Variants in NFIA observed in about 807,000 individuals in gnomAD.
The protein encoded by NFIA is nuclear factor I A.
Under a neutral mutation model 62.8 loss-of-function variants are expected in NFIA, and 8 were observed. The ratio of observed to expected loss-of-function variants is 0.13; its 90% confidence interval spans 0.07 to 0.23. The LOEUF (loss-of-function observed/expected upper bound fraction) is 0.23. Among genes scored for constraint, NFIA ranks in the 10% least tolerant of loss-of-function variants. The pLI is 1.00. For synonymous variants in NFIA, 235 were observed against 238.1 expected (o/e 0.99, Z 0.12); for missense variants, 410 against 642.1 (o/e 0.64, Z 3.91).
chr1:61,200,010 GTATATATATATATATATA>G (rs60422302), intron 2 of NFIA, among the ~76,000 whole-genome samples: 650 of 52,742 alleles, frequency 0.012, 8 homozygotes, highest in South Asian at 0.024. Flanking sequence ...ATATATATAT[GTATATATATATATATATA>G]TATATATATA....
chr1:61,265,623 T>C (rs1657108631), intron 2 of NFIA, among the ~76,000 whole-genome samples: 3 of 152,214 alleles, frequency 2.0e-5, no homozygotes, highest in Non-Finnish European at 2.9e-5. Context: ...AATGTGGAAA[T>C]TGAAAACACA....
chr1:61,105,244 T>G (rs1646575724), intron 2 of NFIA, among the ~76,000 whole-genome samples: 1 of 151,980 alleles, frequency 6.6e-6, no homozygotes, highest in African/African-American at 2.4e-5. Flanking sequence ...AGTTTAGATG[T>G]AGATTTTCTT....
At chr1:61,177,121 A>G (rs920607973) in intron 2 of NFIA, among the ~76,000 whole-genome samples, 13 of 151,880 alleles carry the variant, frequency 8.6e-5, no homozygotes, top group African/African-American at 3.1e-4. Flanking sequence ...AAAAAAAAAA[A>G]GAGAGAGATA....
chr1:61,353,325 T>C (rs138975484), intron 5 of NFIA, among the ~76,000 whole-genome samples: 243 of 152,284 alleles, frequency 1.6e-3, no homozygotes, highest in African/African-American at 5.4e-3. Flanking sequence ...AACCTGATAA[T>C]GATTCTGGGG....
chr1:61,082,022 C>T (rs1321773704), upstream of NFIA: 1 of 1,548,712 alleles, frequency 6.5e-7, no homozygotes, highest in African/African-American at 1.4e-5. Context: ...GGCAACCTGG[C>T]AAAGTTGCCC....
chr1:61,294,608 T>C (rs1346428453), intron 3 of NFIA, among the ~76,000 whole-genome samples: 1 of 152,252 alleles, frequency 6.6e-6, no homozygotes, highest in Non-Finnish European at 1.5e-5. Flanking sequence ...ATAATGCCTT[T>C]AAAGGCAGAC....
chr1:61,367,351 T>A (rs528413293), intron 6 of NFIA, among the ~76,000 whole-genome samples: 1 of 152,286 alleles, frequency 6.6e-6, no homozygotes, highest in South Asian at 2.1e-4. Flanking sequence ...TGCACTAGCA[T>A]ATATTAGAGA....
intron 2 of NFIA, among the ~76,000 whole-genome samples, chr1:61,166,548 A>G (rs756663788): frequency 6.6e-6 from 1 of 152,170 alleles, no homozygotes; most frequent in Non-Finnish European, 1.5e-5. Context: ...CAAACTACTT[A>G]TAGTTTATAG....
intron 2 of NFIA, among the ~76,000 whole-genome samples, chr1:61,155,538 T>G (rs1001143208): frequency 4.0e-5 from 6 of 151,622 alleles, no homozygotes; most frequent in Admixed American, 3.9e-4. Context: ...CCGGGCGCGG[T>G]GGTGGGTGCC....
At chr1:61,287,155 G>GTGA (rs1257778496) in intron 3 of NFIA, among the ~76,000 whole-genome samples, 5 of 152,160 alleles carry the variant, frequency 3.3e-5, no homozygotes, top group Non-Finnish European at 7.3e-5. Context: ...CCCCTACACT[G>GTGA]TGATAGTCAC....
chr1:61,431,799 T>C (rs866226669), intron 10 of NFIA, among the ~76,000 whole-genome samples: 15 of 152,190 alleles, frequency 9.9e-5, no homozygotes, highest in Middle Eastern at 3.2e-3. Flanking sequence ...GTGGAGATCA[T>C]GGAGAGCATT....
intron 3 of NFIA, among the ~76,000 whole-genome samples, chr1:61,299,075 T>C (rs1659351662): frequency 6.6e-6 from 1 of 152,132 alleles, no homozygotes; most frequent in Admixed American, 6.5e-5. Flanking sequence ...TTCCATTGCT[T>C]GACAGTTGTT....
intron 2 of NFIA, among the ~76,000 whole-genome samples, chr1:61,213,158 A>G (rs1010007744): frequency 2.0e-5 from 3 of 152,230 alleles, no homozygotes; most frequent in African/African-American, 7.2e-5. Context: ...TTAAATTTAA[A>G]GTGACCCAAG....
intron 2 of NFIA, among the ~76,000 whole-genome samples, chr1:61,219,671 G>A (rs1200026592): frequency 1.4e-5 from 2 of 141,706 alleles, no homozygotes; most frequent in Non-Finnish European, 3.0e-5. Flanking sequence ...CCGAGATCGC[G>A]CCATTGCCCT....
At chr1:61,349,749 T>C (rs1662447321) in intron 4 of NFIA, among the ~76,000 whole-genome samples, 2 of 152,038 alleles carry the variant, frequency 1.3e-5, no homozygotes, top group Non-Finnish European at 2.9e-5. Flanking sequence ...TAATTTAATT[T>C]TTAAAAAAAA....
At chr1:61,097,114 G>A (rs1646430194) in intron 2 of NFIA, among the ~76,000 whole-genome samples, 1 of 152,118 alleles carries the variant, frequency 6.6e-6, no homozygotes, top group Admixed American at 6.5e-5. Flanking sequence ...GCTAGAAAGG[G>A]AAAACTGAGT....
intron 4 of NFIA, among the ~76,000 whole-genome samples, chr1:61,337,745 G>C (rs1661689733): frequency 6.6e-6 from 1 of 152,170 alleles, no homozygotes; most frequent in African/African-American, 2.4e-5. Flanking sequence ...TTGCTACAAA[G>C]AGAGCCCACT....
intron 7 of NFIA, among the ~76,000 whole-genome samples, chr1:61,390,032 T>C (rs537748038): frequency 6.6e-6 from 1 of 152,300 alleles, no homozygotes; most frequent in African/African-American, 2.4e-5. Flanking sequence ...TTTGAGTGCT[T>C]GCCTCCTGGA....
chr1:61,184,138 A>C (rs867421623), intron 2 of NFIA, among the ~76,000 whole-genome samples: 32 of 149,342 alleles, frequency 2.1e-4, no homozygotes, highest in South Asian at 8.5e-4. Context: ...AAAAAAAAAA[A>C]AAAACCCAAA....
Sources: gnomAD v4.1 joint callset for allele counts (sites outside exome capture counted in the v4.1 genomes callset) on GRCh38, gnomAD v4.1.1 for gene constraint, MANE v1.5 for transcripts, NCBI Gene and HGNC (gene_info 2026-07-23, HGNC 2026-07-21) for gene names.